The following GPHN variants were observed in gnomAD, a reference collection of about 807,000 sequenced individuals.
The protein encoded by GPHN is gephyrin.
In GPHN, 17 loss-of-function variants were observed where a neutral mutation model predicts 95.5. The ratio of observed to expected loss-of-function variants is 0.18; its 90% CI spans 0.12 to 0.27. The LOEUF (loss-of-function observed/expected upper bound fraction) is 0.27, where lower values mean the gene tolerates loss of function less well. Ranked by LOEUF, GPHN falls within the 10% of genes least tolerant of loss-of-function variation. The pLI, the probability that GPHN is intolerant of heterozygous loss-of-function variation, is 1.00. For missense variants in GPHN, 660 were observed against 978.1 expected (o/e 0.67, Z 4.34); for synonymous variants, 320 against 322.5 (o/e 0.99, Z 0.08).
At position 66,764,338 on chromosome 14, in the gene GPHN, G is replaced by A. The variant is rs149600327; in HGVS notation, c.144-12126G>A. On this transcript the variant is annotated intron_variant, in intron 2 of 22. Coordinates refer to ENST00000478722, the MANE Select transcript of GPHN (RefSeq NM_020806.5). ...TGTTATCTGCAGGGGGAGGGAAGGT[G>A]TTCTGAAACCAGTCCCTCAAGGATA... is the stretch of plus-strand genomic sequence containing the variant. 1.3e-4 allele frequency among the ~76,000 whole-genome samples: 20 copies of A among 152,208 alleles called. No homozygotes were observed. The East Asian group carries it at 3.9e-3, about 29-fold the overall frequency.
intron 2 of GPHN, among the ~76,000 whole-genome samples, chr14:66,725,633 G>T (rs1295387787): frequency 6.6e-6 from 1 of 152,078 alleles, no homozygotes; most frequent in South Asian, 2.1e-4. Context: ...ACAGGTGCAC[G>T]CCACCACGCC....
intron 10 of GPHN, among the ~76,000 whole-genome samples, chr14:67,028,290 A>G (rs990911940): frequency 2.6e-5 from 4 of 152,208 alleles, no homozygotes; most frequent in African/African-American, 9.6e-5. Context: ...GTTTAATTCT[A>G]TATCTTGGCT....
Position 66,932,444 on chromosome 14 carries a change from G to GTTTTTTTTTTTTT in GPHN, c.828+8176_828+8188dup. On this transcript the variant is annotated intron_variant, in intron 8 of 22. Transcript: ENST00000478722. The stretch of plus-strand genomic sequence containing the variant: ...AGGTGGGGAATCCTGCCAAGACCAG[G>GTTTTTTTTTTTTT]TTTTTTTTTTTTTTTTTTTTTTTTT... Among the ~76,000 whole-genome samples, 35 of 24,394 alleles carry GTTTTTTTTTTTTT rather than the reference G, an allele frequency of 1.4e-3. 10 individuals carry two copies. The highest frequency in any genetic ancestry group is 2.3e-3 in the Non-Finnish European group (31 of 13,732). 16.0% of individuals were successfully genotyped at this position (24,394 alleles called of 152,430 possible).
chr14:67,070,715 A>AAAAAAAAAAAAATATATATAT, intron 11 of GPHN, among the ~76,000 whole-genome samples: 11 of 80,686 alleles, frequency 1.4e-4, no homozygotes, highest in South Asian at 4.3e-4. Context: ...AAAAAAAAAA[A>AAAAAAAAAAAAATATATATAT]ATATATATAT....
chr14:66,980,107 A>G (rs1567175896), intron 9 of GPHN, among the ~76,000 whole-genome samples: 3 of 152,206 alleles, frequency 2.0e-5, no homozygotes, highest in African/African-American at 7.2e-5. Flanking sequence ...AGATATAATC[A>G]TAGTAAAAAG....
chr14:66,844,759 T>A (rs1366432814), intron 4 of GPHN, among the ~76,000 whole-genome samples: 1 of 152,118 alleles, frequency 6.6e-6, no homozygotes, highest in Non-Finnish European at 1.5e-5. Context: ...TTTTAACCAA[T>A]TTTAAGTGTA....
At chr14:67,122,193 T>C (rs1027057540) in intron 16 of GPHN, 63 bp from the exon 17 acceptor site, 26 of 1,563,946 alleles carry the variant, frequency 1.7e-5, no homozygotes, top group African/African-American at 8.1e-5. Flanking sequence ...AGATTTTTTT[T>C]TCATTAGAAA....
chr14:67,395,696 C>T, the GPHN span: 1 of 765,890 alleles, frequency 1.3e-6, no homozygotes, highest in Non-Finnish European at 2.2e-6. Flanking sequence ...GCCAAATGCC[C>T]TGAGCCCTCG....
intron 1 of GPHN, among the ~76,000 whole-genome samples, chr14:66,660,932 C>T (rs1264917282): frequency 6.6e-6 from 1 of 152,190 alleles, no homozygotes; most frequent in Non-Finnish European, 1.5e-5. Context: ...CAAGTCCGGT[C>T]AGGAGATCCC....
At chr14:66,805,405 C>T (rs2060506890) in intron 3 of GPHN, among the ~76,000 whole-genome samples, 1 of 152,302 alleles carries the variant, frequency 6.6e-6, no homozygotes, top group Non-Finnish European at 1.5e-5. Context: ...CTCATACCCT[C>T]ACATTTCATA....
At chr14:66,828,265 T>C (rs1015185810) in intron 4 of GPHN, among the ~76,000 whole-genome samples, 1 of 151,998 alleles carries the variant, frequency 6.6e-6, no homozygotes, top group South Asian at 2.1e-4. Flanking sequence ...ATAGGCCCAC[T>C]AAAAAGTAAT....
intron 20 of GPHN, among the ~76,000 whole-genome samples, chr14:67,165,633 T>A (rs1469420529): frequency 2.0e-5 from 3 of 152,072 alleles, no homozygotes; most frequent in African/African-American, 7.2e-5. Context: ...ATGCCTTGAG[T>A]CACCCAAGCA....
chr14:67,344,520 C>A, the GPHN span, among the ~76,000 whole-genome samples: 1 of 152,170 alleles, frequency 6.6e-6, no homozygotes, highest in Non-Finnish European at 1.5e-5. Context: ...GTCTTCCATG[C>A]ACAAACGATG....
At chr14:67,264,619 T>G in the GPHN span, among the ~76,000 whole-genome samples, 22 of 152,202 alleles carry the variant, frequency 1.4e-4, no homozygotes, top group Non-Finnish European at 2.4e-4. Context: ...GAAATAAATT[T>G]TTTAATAAAA....
intron 1 of GPHN, among the ~76,000 whole-genome samples, chr14:66,581,544 C>T (rs1287451948): frequency 6.6e-6 from 1 of 151,780 alleles, no homozygotes. Flanking sequence ...AAATCCTTAC[C>T]TATAAATAAT....
intron 4 of GPHN, among the ~76,000 whole-genome samples, chr14:66,862,349 AG>A (rs2063058824): frequency 6.6e-6 from 1 of 152,084 alleles, no homozygotes; most frequent in Admixed American, 6.6e-5. Context: ...TGTAAAAAAA[AG>A]TATCCCAGTG....
At chr14:66,621,001 G>T (rs1027360085) in intron 1 of GPHN, among the ~76,000 whole-genome samples, 1 of 152,114 alleles carries the variant, frequency 6.6e-6, no homozygotes, top group African/African-American at 2.4e-5. Context: ...GTCTAACTCT[G>T]TCGCCCAGGC....
At chr14:67,235,129 C>G in the GPHN span, among the ~76,000 whole-genome samples, 1 of 147,896 alleles carries the variant, frequency 6.8e-6, no homozygotes, top group Non-Finnish European at 1.5e-5. Context: ...GCATGCCAGC[C>G]TGGGTGACAA....
At chr14:66,735,949 G>C (rs1049204798) in intron 2 of GPHN, among the ~76,000 whole-genome samples, 4 of 152,008 alleles carry the variant, frequency 2.6e-5, no homozygotes, top group Admixed American at 6.6e-5. Flanking sequence ...CCATTTTATA[G>C]ACAGGGAACC....
Sources: gnomAD v4.1 joint callset for allele counts (sites outside exome capture counted in the v4.1 genomes callset) on GRCh38, gnomAD v4.1.1 for gene constraint, MANE v1.5 for transcripts, NCBI Gene and HGNC (gene_info 2026-07-23, HGNC 2026-07-21) for gene names.